NEMP2: variants seen among roughly 807,000 people sequenced by gnomAD.
NEMP2 encodes nuclear envelope integral membrane protein 2.
NEMP2 carries 53 observed loss-of-function variants against 54.2 expected under a neutral mutation model. The ratio of observed to expected loss-of-function variants is 0.98; its 90% CI spans 0.78 to 1.23. NEMP2 has a LOEUF of 1.23. Among genes scored for constraint, NEMP2 ranks in the 50% most tolerant of loss-of-function variants. The probability of loss-of-function intolerance (pLI) is 0.00; values close to 1 mark genes in which losing one functional copy is unlikely to be tolerated. For missense variants in NEMP2, 455 were observed against 511.3 expected, an observed-to-expected ratio of 0.89 and a Z score of 1.06; for synonymous variants, 197 against 190.3, an observed-to-expected ratio of 1.04 and a Z score of -0.29.
the NEMP2 span, among the ~76,000 whole-genome samples, chr2:190,645,016 T>C: frequency 4.6e-5 from 7 of 152,206 alleles, no homozygotes; most frequent in Admixed American, 2.0e-4. Flanking sequence ...ATTAAAATTA[T>C]GAACACGCCT....
the NEMP2 span, among the ~76,000 whole-genome samples, chr2:190,447,088 G>C: frequency 7.1e-6 from 1 of 140,306 alleles, no homozygotes. The surrounding 1 kb of genome is among the most constrained non-coding windows in gnomAD (Gnocchi z 4.5). Flanking sequence ...CATAGGCTCA[G>C]TAAAAAAAAA....
chr2:190,479,264 A>AT, the NEMP2 span, among the ~76,000 whole-genome samples: 1 of 152,208 alleles, frequency 6.6e-6, no homozygotes, highest in Non-Finnish European at 1.5e-5. Flanking sequence ...TCTTGCAGCT[A>AT]TATCTTTTTA....
At chr2:190,564,657 T>C in the NEMP2 span, among the ~76,000 whole-genome samples, 2 of 152,124 alleles carry the variant, frequency 1.3e-5, no homozygotes, top group African/African-American at 4.8e-5. The surrounding 1 kb of genome is among the most constrained non-coding windows in gnomAD (Gnocchi z 4.2). Context: ...TCTCCACATA[T>C]AAAAAGGTGC....
the NEMP2 span, among the ~76,000 whole-genome samples, chr2:190,433,644 A>C: frequency 6.6e-6 from 1 of 152,172 alleles, no homozygotes; most frequent in Non-Finnish European, 1.5e-5. This position sits in a 1 kb window ranked among gnomAD's most constrained non-coding sequence, Gnocchi z 4.5. Flanking sequence ...TAACCTAAAA[A>C]ACCGACATGA....
the NEMP2 span, among the ~76,000 whole-genome samples, chr2:190,439,842 A>T: frequency 6.6e-6 from 1 of 152,234 alleles, no homozygotes; most frequent in Non-Finnish European, 1.5e-5. This position sits in a 1 kb window ranked among gnomAD's most constrained non-coding sequence, Gnocchi z 5.8. Context: ...CTTTTAAAAG[A>T]GTCTGATAGC....
the NEMP2 span, among the ~76,000 whole-genome samples, chr2:190,448,968 G>A: frequency 6.6e-6 from 1 of 152,200 alleles, no homozygotes; most frequent in Non-Finnish European, 1.5e-5. Flanking sequence ...ATGCATGTGT[G>A]TGCATAGTTA....
intron 4 of NEMP2, among the ~76,000 whole-genome samples, chr2:190,518,107 C>A (rs1690626359): frequency 6.7e-6 from 1 of 149,564 alleles, no homozygotes; most frequent in Non-Finnish European, 1.5e-5. Flanking sequence ...TCAAAATGAA[C>A]AATGTTAAGA....
chr2:190,479,357 C>T, the NEMP2 span, among the ~76,000 whole-genome samples: 1 of 152,114 alleles, frequency 6.6e-6, no homozygotes, highest in African/African-American at 2.4e-5. Flanking sequence ...AACATATTTC[C>T]TACCTATAAG....
At chr2:190,546,521 T>G in the NEMP2 span, among the ~76,000 whole-genome samples, 1 of 152,204 alleles carries the variant, frequency 6.6e-6, no homozygotes, top group East Asian at 1.9e-4. This position sits in a 1 kb window ranked among gnomAD's most constrained non-coding sequence, Gnocchi z 5.1. Context: ...TAAGTTTTGC[T>G]AATGTCGTTA....
chr2:190,473,936 G>C, the NEMP2 span, among the ~76,000 whole-genome samples: 1 of 152,146 alleles, frequency 6.6e-6, no homozygotes, highest in Non-Finnish European at 1.5e-5. Flanking sequence ...CAAGTACATG[G>C]AAACTGAACA....
At chr2:190,428,780 C>A in the NEMP2 span, among the ~76,000 whole-genome samples, 1 of 152,176 alleles carries the variant, frequency 6.6e-6, no homozygotes, top group South Asian at 2.1e-4. Context: ...TCAAGTGATT[C>A]TCCTGCCTCA....
chr2:190,454,932 G>GTA, the NEMP2 span, among the ~76,000 whole-genome samples: 2 of 132,848 alleles, frequency 1.5e-5, no homozygotes, highest in Non-Finnish European at 3.1e-5. This position sits in a 1 kb window ranked among gnomAD's most constrained non-coding sequence, Gnocchi z 4.6. Context: ...CCTGGTTTCT[G>GTA]TATGTATATG....
At chr2:190,511,365 A>G (rs1308515331) in intron 7 of NEMP2, among the ~76,000 whole-genome samples, 1 of 152,104 alleles carries the variant, frequency 6.6e-6, no homozygotes, top group Non-Finnish European at 1.5e-5. Context: ...TACAAAATTT[A>G]TAGTAATTTT....
At chr2:190,462,413 T>C in the NEMP2 span, among the ~76,000 whole-genome samples, 7 of 152,180 alleles carry the variant, frequency 4.6e-5, no homozygotes, top group African/African-American at 1.7e-4. The surrounding 1 kb of genome is among the most constrained non-coding windows in gnomAD (Gnocchi z 5.7). Flanking sequence ...CAGTAGCTTG[T>C]TGAGAAATAC....
chr2:190,468,186 G>A, the NEMP2 span, among the ~76,000 whole-genome samples: 10 of 152,024 alleles, frequency 6.6e-5, no homozygotes, highest in South Asian at 4.1e-4. Context: ...AGATTGAAAC[G>A]TACTTTTCTC....
the NEMP2 span, chr2:190,477,420 A>G: frequency 2.2e-6 from 2 of 923,474 alleles, no homozygotes; most frequent in South Asian, 5.0e-5. Flanking sequence ...TTATAATAAT[A>G]CATGCATATA....
At chr2:190,461,440 A>T in the NEMP2 span, among the ~76,000 whole-genome samples, 1 of 152,224 alleles carries the variant, frequency 6.6e-6, no homozygotes, top group East Asian at 1.9e-4. The surrounding 1 kb of genome is among the most constrained non-coding windows in gnomAD (Gnocchi z 5.5). Context: ...ATATGTAAGT[A>T]TGTAGCTGTA....
chr2:190,495,735 A>C, the NEMP2 span, among the ~76,000 whole-genome samples: 1 of 152,102 alleles, frequency 6.6e-6, no homozygotes, highest in Non-Finnish European at 1.5e-5. This position sits in a 1 kb window ranked among gnomAD's most constrained non-coding sequence, Gnocchi z 4.7. Flanking sequence ...CAGAAACATA[A>C]AGGGGGAAAG....
chr2:190,604,454 C>G, the NEMP2 span, among the ~76,000 whole-genome samples: 1 of 152,212 alleles, frequency 6.6e-6, no homozygotes, highest in African/African-American at 2.4e-5. This position sits in a 1 kb window ranked among gnomAD's most constrained non-coding sequence, Gnocchi z 4.5. Context: ...TTAACCCAAC[C>G]CTTTCCATCT....
Sources: allele counts gnomAD v4.1 joint callset (sites outside exome capture counted in the v4.1 genomes callset), GRCh38; gene constraint gnomAD v4.1.1; non-coding constraint Gnocchi (gnomAD v3.1); transcripts MANE v1.5; gene names NCBI Gene and HGNC (gene_info 2026-07-23, HGNC 2026-07-21).